MYO10: variants seen among roughly 807,000 people sequenced by gnomAD.
MYO10 encodes unconventional myosin-X.
A neutral mutation model predicts 257.3 loss-of-function variants in MYO10; 133 were observed. The observed-to-expected ratio is 0.52, with a 90% CI of 0.45 to 0.60. The LOEUF is 0.60. Ranked by LOEUF, MYO10 falls within the 20% of genes least tolerant of loss-of-function variation. The pLI, the probability that MYO10 is intolerant of heterozygous loss-of-function variation, is 0.00. For synonymous variants in MYO10, 1,104 were observed against 1,028.6 expected (o/e 1.07, Z -1.40); for missense variants, 2,399 against 2,635.7 (o/e 0.91, Z 1.97).
chr5:16,757,596 C>T lies in MYO10; in HGVS notation c.1848+522G>A, dbSNP rs116230178. 2.7e-3 allele frequency among the ~76,000 whole-genome samples: 413 copies of T among 152,112 alleles called. 4 individuals carry two copies. The highest frequency in any genetic ancestry group is 3.4e-3 in the Non-Finnish European group (231 of 67,990). On this transcript the variant is annotated intron_variant, in intron 18 of 40. Coordinates refer to ENST00000513610, the MANE Select transcript of MYO10 (RefSeq NM_012334.3). ...ATTTCAAAAGCTTAGAAGAAATAGC[C>T]ATTTATTTTTTTAAAAAGGATCTAC...
intron 19 of MYO10, among the ~76,000 whole-genome samples, chr5:16,732,213 A>T (rs1341677974): frequency 6.6e-6 from 1 of 152,178 alleles, no homozygotes; most frequent in African/African-American, 2.4e-5. Context: ...GAAAAACCCA[A>T]AGAAACAAAG....
intron 33 of MYO10, among the ~76,000 whole-genome samples, chr5:16,677,039 C>T (rs987130085): frequency 6.6e-6 from 1 of 152,114 alleles, no homozygotes. Flanking sequence ...TGTCCTTCCA[C>T]GTGCCACCCT....
chr5:16,872,334 A>C (rs752178900), intron 2 of MYO10, among the ~76,000 whole-genome samples: 3 of 152,210 alleles, frequency 2.0e-5, no homozygotes, highest in Non-Finnish European at 4.4e-5. Context: ...GAAGTATTTA[A>C]AGTAATCAAA....
chr5:16,682,808 A>G (rs929021796), intron 30 of MYO10, among the ~76,000 whole-genome samples: 5 of 152,184 alleles, frequency 3.3e-5, no homozygotes, highest in South Asian at 4.1e-4. Flanking sequence ...AAAAATAAAA[A>G]AAGCCTTTTT....
chr5:16,815,284 T>C, intron 3 of MYO10: 1 of 521,458 alleles, frequency 1.9e-6, no homozygotes, highest in Non-Finnish European at 3.4e-6. Flanking sequence ...CAATATTTTT[T>C]GGATTTTGGA....
chr5:16,714,750 G>A (rs1204974169), intron 19 of MYO10, among the ~76,000 whole-genome samples: 1 of 152,200 alleles, frequency 6.6e-6, no homozygotes, highest in Non-Finnish European at 1.5e-5. Context: ...GTCAACCCAG[G>A]AGGCAGAGCT....
chr5:16,854,020 T>C (rs1743890495), intron 2 of MYO10: 2 of 152,188 alleles, frequency 1.3e-5, no homozygotes, highest in African/African-American at 4.8e-5. Context: ...TCCTGAAGGT[T>C]CGTGATCTCG....
chr5:16,774,041 T>C (rs1052236435), intron 9 of MYO10, among the ~76,000 whole-genome samples: 1 of 152,236 alleles, frequency 6.6e-6, no homozygotes, highest in African/African-American at 2.4e-5. Flanking sequence ...TCTTTGTTAA[T>C]AAGCAATCTC....
intron 1 of MYO10, among the ~76,000 whole-genome samples, chr5:16,891,493 G>A (rs1343404184): frequency 6.6e-6 from 1 of 152,076 alleles, no homozygotes; most frequent in Non-Finnish European, 1.5e-5. Context: ...GCTGCTAACA[G>A]GTACGGAGTT....
chr5:16,795,222 G>A (rs1579999410), intron 3 of MYO10, among the ~76,000 whole-genome samples: 1 of 152,234 alleles, frequency 6.6e-6, no homozygotes, highest in African/African-American at 2.4e-5. Flanking sequence ...TGACGGGACA[G>A]AAAGGAGAAG....
chr5:16,932,732 C>A (rs1746323889), intron 1 of MYO10, among the ~76,000 whole-genome samples: 1 of 152,084 alleles, frequency 6.6e-6, no homozygotes, highest in South Asian at 2.1e-4. Flanking sequence ...TGCAAGCTTC[C>A]CCCTGGCGCG....
intron 2 of MYO10, among the ~76,000 whole-genome samples, chr5:16,840,005 G>A (rs1743428205): frequency 1.3e-5 from 2 of 152,182 alleles, no homozygotes; most frequent in Admixed American, 1.3e-4. Flanking sequence ...GAAAGTGAGA[G>A]TCTAGATTGC....
At chr5:16,720,026 ATG>A (rs1739088126) in intron 19 of MYO10, among the ~76,000 whole-genome samples, 2 of 94,528 alleles carry the variant, frequency 2.1e-5, no homozygotes, top group South Asian at 3.0e-4. Context: ...GTGTGTGTAT[ATG>A]TATGTATGTA....
At chr5:16,847,373 G>A (rs913590497) in intron 2 of MYO10, among the ~76,000 whole-genome samples, 3 of 151,010 alleles carry the variant, frequency 2.0e-5, no homozygotes, top group East Asian at 1.9e-4. Context: ...GCAGTGAGCC[G>A]AGATGGTGCC....
At chr5:16,735,652 C>T (rs868792342) in intron 19 of MYO10, among the ~76,000 whole-genome samples, 5 of 150,796 alleles carry the variant, frequency 3.3e-5, no homozygotes, top group African/African-American at 7.3e-5. Flanking sequence ...GAGATCCCAC[C>T]GCCACACTCT....
chr5:16,913,184 T>A (rs915778352), intron 1 of MYO10, among the ~76,000 whole-genome samples: 2 of 143,792 alleles, frequency 1.4e-5, no homozygotes, highest in Admixed American at 7.0e-5. Flanking sequence ...GAAAAAAAAA[T>A]CATGCTTGGC....
chr5:16,676,847 TAA>T (rs1736748822), intron 33 of MYO10, among the ~76,000 whole-genome samples: 1 of 152,282 alleles, frequency 6.6e-6, no homozygotes, highest in Admixed American at 6.5e-5. Flanking sequence ...CTATAAAAAA[TAA>T]GAGAGCAAAA....
chr5:16,822,157 T>C (rs1266239965), intron 2 of MYO10, among the ~76,000 whole-genome samples: 2 of 152,012 alleles, frequency 1.3e-5, no homozygotes, highest in Admixed American at 6.6e-5. Flanking sequence ...TCAGGAAGAA[T>C]AGCTAATGGA....
intron 2 of MYO10, among the ~76,000 whole-genome samples, chr5:16,839,274 C>G (rs1743400414): frequency 2.6e-5 from 4 of 152,052 alleles, no homozygotes; most frequent in Admixed American, 1.3e-4. Context: ...GAAAGGAGGT[C>G]AAAATATCAA....
Sources: gnomAD v4.1 joint callset for allele counts (sites outside exome capture counted in the v4.1 genomes callset) on GRCh38, gnomAD v4.1.1 for gene constraint, MANE v1.5 for transcripts, NCBI Gene and HGNC (gene_info 2026-07-23, HGNC 2026-07-21) for gene names.